Variants in MGA observed in about 807,000 individuals in gnomAD.
MGA encodes the protein MAX dimerization protein MGA, also known as MAX gene-associated protein.
MGA carries 40 observed loss-of-function variants against 261.1 expected under a neutral mutation model. The ratio of observed to expected loss-of-function variants is 0.15; its 90% CI spans 0.12 to 0.20. The LOEUF is 0.20. Ranked by LOEUF, MGA falls within the 10% of genes least tolerant of loss-of-function variation. MGA has a pLI of 1.00. For missense variants in MGA, 3,397 were observed against 3,630.5 expected (o/e 0.94, Z 1.65); for synonymous variants, 1,302 against 1,290.6 (o/e 1.01, Z -0.19).
intron 3 of MGA, among the ~76,000 whole-genome samples, chr15:41,697,260 C>T (rs1433513161): frequency 3.9e-5 from 6 of 151,962 alleles, no homozygotes; most frequent in Admixed American, 1.3e-4. Context: ...TTTCAGTTTA[C>T]GATTTTTGCA....
At chr15:41,751,854 T>C (rs12910998) in intron 17 of MGA, 8 of 152,176 alleles carry the variant, frequency 5.3e-5, no homozygotes, top group South Asian at 2.1e-4. Flanking sequence ...ACTGTGTCCT[T>C]CTTTTCAGGA....
chr15:41,734,273 T>C (rs148599924), intron 11 of MGA, among the ~76,000 whole-genome samples: 11 of 152,282 alleles, frequency 7.2e-5, no homozygotes, highest in Non-Finnish European at 1.6e-4. Flanking sequence ...TTTCCCTCTT[T>C]AAAGTACAAT....
intron 20 of MGA, among the ~76,000 whole-genome samples, chr15:41,761,067 G>A (rs1038342265): frequency 6.6e-6 from 1 of 152,174 alleles, no homozygotes; most frequent in African/African-American, 2.4e-5. Flanking sequence ...CACTGCACCC[G>A]GGCAAAAGTC....
intron 7 of MGA, 29 bp downstream of exon 7, chr15:41,708,237 G>A (rs770039211): frequency 6.9e-5 from 98 of 1,430,304 alleles, no homozygotes; most frequent in Non-Finnish European, 8.8e-5. Context: ...TTTTTTAAAT[G>A]TTCTGAAACA....
intron 1 of MGA, chr15:41,621,474 G>A (rs2056279742): frequency 6.6e-6 from 1 of 152,214 alleles, no homozygotes; most frequent in Non-Finnish European, 1.5e-5. Context: ...GCGGGCTTGC[G>A]ACCAGCACGT....
At chr15:41,671,449 A>T (rs1378916247) in intron 2 of MGA, among the ~76,000 whole-genome samples, 1 of 151,894 alleles carries the variant, frequency 6.6e-6, no homozygotes, top group Non-Finnish European at 1.5e-5. Flanking sequence ...TCAGCCTCCC[A>T]AGTAGCTGGG....
chr15:41,730,843 A>G (rs1197819513), intron 11 of MGA, among the ~76,000 whole-genome samples: 2 of 152,208 alleles, frequency 1.3e-5, no homozygotes, highest in Admixed American at 6.5e-5. Flanking sequence ...AGTTGCAGCA[A>G]TTCGAGCATT....
chr15:41,636,541 A>G (rs573611662), intron 1 of MGA, among the ~76,000 whole-genome samples: 1 of 149,014 alleles, frequency 6.7e-6, no homozygotes, highest in African/African-American at 2.5e-5. Context: ...GCTCACTGCA[A>G]CCTCCACCTC....
chr15:41,649,475 C>T (rs527887794), intron 1 of MGA, among the ~76,000 whole-genome samples: 1 of 151,820 alleles, frequency 6.6e-6, no homozygotes, highest in African/African-American at 2.4e-5. Flanking sequence ...AAAAATAGAC[C>T]TGTGTAAGTT....
intron 11 of MGA, among the ~76,000 whole-genome samples, chr15:41,732,549 G>C (rs2151749310): frequency 6.6e-6 from 1 of 152,296 alleles, no homozygotes; most frequent in Middle Eastern, 3.4e-3. Context: ...GCTAATGCAA[G>C]AACTGATAAA....
intron 1 of MGA, among the ~76,000 whole-genome samples, chr15:41,638,186 G>T (rs893799658): frequency 6.6e-6 from 1 of 150,784 alleles, no homozygotes; most frequent in African/African-American, 2.4e-5. Flanking sequence ...GGAACTATAG[G>T]TGTGCGCTGC....
intron 1 of MGA, among the ~76,000 whole-genome samples, chr15:41,641,054 T>A (rs1473275522): frequency 6.6e-6 from 1 of 152,212 alleles, no homozygotes; most frequent in African/African-American, 2.4e-5. Context: ...TATGGATTGA[T>A]CTGTTTTGGA....
intron 13 of MGA, among the ~76,000 whole-genome samples, chr15:41,738,596 A>C (rs2061920332): frequency 6.6e-6 from 1 of 151,996 alleles, no homozygotes; most frequent in African/African-American, 2.4e-5. Flanking sequence ...GTGAGACTAG[A>C]CTCCCTAAAA....
At chr15:41,668,560 A>C (rs1456412794) in intron 1 of MGA, among the ~76,000 whole-genome samples, 3 of 152,056 alleles carry the variant, frequency 2.0e-5, no homozygotes. Context: ...TCTTTGTGTG[A>C]GATTATAGTA....
At chr15:41,763,814 T>A (rs2063638486) in intron 22 of MGA, among the ~76,000 whole-genome samples, 2 of 152,224 alleles carry the variant, frequency 1.3e-5, no homozygotes, top group South Asian at 4.1e-4. Context: ...ACCATCTTGA[T>A]TTTGGAAGTA....
At chr15:41,761,461 G>C (rs2063452804) in intron 20 of MGA, among the ~76,000 whole-genome samples, 1 of 152,156 alleles carries the variant, frequency 6.6e-6, no homozygotes, top group Admixed American at 6.5e-5. Context: ...GCAGAGCACA[G>C]GTGTTTTGTA....
chr15:41,754,666 C>T (rs1254146485), intron 18 of MGA, 99 bp downstream of exon 18: 18 of 1,306,234 alleles, frequency 1.4e-5, no homozygotes, highest in Middle Eastern at 3.9e-4. Flanking sequence ...TCATCTGGTT[C>T]CTTCTTCCTC....
intron 1 of MGA, among the ~76,000 whole-genome samples, chr15:41,624,818 T>C (rs1457899828): frequency 6.6e-6 from 1 of 152,136 alleles, no homozygotes; most frequent in African/African-American, 2.4e-5. Flanking sequence ...ATTACTACTT[T>C]AAAAAACTGG....
intron 14 of MGA, among the ~76,000 whole-genome samples, chr15:41,741,922 G>T (rs1215008282): frequency 4.0e-5 from 6 of 151,726 alleles, no homozygotes; most frequent in Non-Finnish European, 8.8e-5. Context: ...GTGTTGGCCA[G>T]GCTGGTCTTG....
Sources: gnomAD v4.1 joint callset for allele counts (sites outside exome capture counted in the v4.1 genomes callset) on GRCh38, gnomAD v4.1.1 for gene constraint, MANE v1.5 for transcripts, NCBI Gene and HGNC (gene_info 2026-07-23, HGNC 2026-07-21) for gene names.